PIWIL2: variants seen among roughly 807,000 people sequenced by gnomAD.
PIWIL2 encodes the protein piwi-like protein 2.
Under a neutral mutation model 116.5 loss-of-function variants are expected in PIWIL2, and 81 were observed. The observed-to-expected ratio is 0.70, with a 90% CI of 0.58 to 0.84. PIWIL2 has a LOEUF of 0.84. PIWIL2 is among the 40% of genes least tolerant of loss of function. The pLI, the probability that PIWIL2 is intolerant of heterozygous loss-of-function variation, is 0.00. For missense variants in PIWIL2, 1,272 were observed against 1,212.3 expected, an observed-to-expected ratio of 1.05 and a Z score of -0.73; for synonymous variants, 489 against 429.5, an observed-to-expected ratio of 1.14 and a Z score of -1.71.
chr8:22,336,030 A>G (rs1831974585), intron 20 of PIWIL2, among the ~76,000 whole-genome samples: 1 of 152,208 alleles, frequency 6.6e-6, no homozygotes, highest in African/African-American at 2.4e-5. Flanking sequence ...AAAGGGAGAA[A>G]TAGGCAATTC....
rs533906305 is a variant in PIWIL2 at position 22,344,334 on chromosome 8, A to G, written c.2404-8625A>G. On this transcript the variant is annotated intron_variant, in intron 20 of 22. Coordinates refer to ENST00000356766, the MANE Select transcript of PIWIL2 (RefSeq NM_018068.5). Reference sequence around the variant, plus strand: ...AACACAAATATGTAAACTGTGGAGTATAGTTAATGTATCAACATTTGGTCA... The same window carrying G: ...AACACAAATATGTAAACTGTGGAGTGTAGTTAATGTATCAACATTTGGTCA... 3.9e-5 allele frequency among the ~76,000 whole-genome samples: 6 copies of G among 152,366 alleles called. No individual in the cohort carries two copies. In the East Asian group the frequency reaches 5.8e-4, roughly 15 times the overall value.
chr8:22,292,352 CAA>C (rs1830786090), intron 10 of PIWIL2, among the ~76,000 whole-genome samples: 1 of 152,160 alleles, frequency 6.6e-6, no homozygotes. Context: ...GAACACCAGT[CAA>C]GAGGCTGTGG....
intron 21 of PIWIL2, 81 bp from the exon 22 acceptor site, chr8:22,354,190 G>C: frequency 1.1e-6 from 1 of 907,058 alleles, no homozygotes; most frequent in Non-Finnish European, 1.8e-6. Context: ...AGTTGAAGGA[G>C]CTAGAACGAT....
intron 1 of PIWIL2, among the ~76,000 whole-genome samples, chr8:22,277,234 C>G (rs1028744922): frequency 2.0e-5 from 3 of 152,138 alleles, no homozygotes; most frequent in African/African-American, 7.2e-5. Flanking sequence ...GTTTGCCACG[C>G]TGCTCTTGAG....
intron 20 of PIWIL2, among the ~76,000 whole-genome samples, chr8:22,327,570 T>C (rs1294360512): frequency 1.3e-5 from 2 of 151,992 alleles, no homozygotes; most frequent in African/African-American, 2.4e-5. Flanking sequence ...TTTCTCCATG[T>C]TGGTCAGGCT....
intron 20 of PIWIL2, among the ~76,000 whole-genome samples, chr8:22,339,178 C>T (rs182212437): frequency 1.4e-3 from 212 of 152,244 alleles, no homozygotes; most frequent in Non-Finnish European, 2.4e-3. Context: ...CAAAAAGTAA[C>T]TCCAAATGGA....
intron 10 of PIWIL2, among the ~76,000 whole-genome samples, chr8:22,301,242 A>G (rs1831040686): frequency 6.6e-6 from 1 of 151,822 alleles, no homozygotes; most frequent in Non-Finnish European, 1.5e-5. Context: ...AAGTGCCGGG[A>G]TTACAGATGT....
chr8:22,335,914 T>C (rs1170625404), intron 20 of PIWIL2, among the ~76,000 whole-genome samples: 1 of 152,038 alleles, frequency 6.6e-6, no homozygotes, highest in Non-Finnish European at 1.5e-5. Context: ...GAGTGACATA[T>C]TACAATAGCA....
At position 22,304,116 on chromosome 8, in the gene PIWIL2, C is replaced by G. The variant is rs1340891344; in HGVS notation, c.1277C>G (p.Thr426Ser). Residue 426 changes from threonine to serine, a missense_variant, in exon 11 of 23, where the codon ACC (threonine) becomes AGC (serine). Thr to Ser is a moderately conservative substitution (Grantham distance 58). Transcript: ENST00000356766. Reference sequence around the variant, plus strand: ...GTTATCACCCGATATAACAATCGTACCTATCGTATTGATGATGTGGATTGG... The same window carrying G: ...GTTATCACCCGATATAACAATCGTAGCTATCGTATTGATGATGTGGATTGG... ...NIVITRYNNRTYRIDDVDWNK... is the reference protein window; with the variant it reads ...NIVITRYNNRSYRIDDVDWNK... The G allele has an allele frequency of 1.9e-6, 3 of 1,610,880 alleles. No homozygotes were observed. Among genetic ancestry groups the G allele is most frequent in the Non-Finnish European group, 2.5e-6 (3 of 1,177,164 alleles).
rs1831292930 is a variant in PIWIL2 at position 22,310,134 on chromosome 8, G to A, written c.1800+60G>A. 5 of 901,830 alleles carry A rather than the reference G, an allele frequency of 5.5e-6. No individual in the cohort carries two copies. In the East Asian group the frequency reaches 7.2e-5, roughly 13 times the overall value. The allele number at this position is 901,830 out of a possible 1,614,324, so 55.9% of individuals were successfully genotyped here. A position where few individuals can be genotyped will look rare whatever the true frequency, so the allele number is the denominator to read the frequency against. On this transcript the variant is annotated intron_variant, in intron 15 of 22. Coordinates refer to ENST00000356766, the MANE Select transcript of PIWIL2 (RefSeq NM_018068.5). ...GTATTCCCCAAAGTGTGGGAATTAGGAAGCAGGAATGATCTAGAGTCTTCT... is the reference window on the plus strand; with the variant it reads ...GTATTCCCCAAAGTGTGGGAATTAGAAAGCAGGAATGATCTAGAGTCTTCT...
At chr8:22,280,562 C>G (rs1830476407) in intron 2 of PIWIL2, among the ~76,000 whole-genome samples, 1 of 152,126 alleles carries the variant, frequency 6.6e-6, no homozygotes, top group Non-Finnish European at 1.5e-5. Flanking sequence ...CATGTTGACT[C>G]AAATGAATTG....
chr8:22,330,697 A>AAAATAAATAAATAAATAAAT (rs3992768), intron 20 of PIWIL2, among the ~76,000 whole-genome samples: 16 of 137,162 alleles, frequency 1.2e-4, no homozygotes, highest in Admixed American at 2.4e-4. Context: ...ACTCTGTCTC[A>AAAATAAATAAATAAATAAAT]AAATAAATAA....
intron 20 of PIWIL2, among the ~76,000 whole-genome samples, chr8:22,339,337 C>T (rs1385142317): frequency 6.6e-6 from 1 of 152,060 alleles, no homozygotes; most frequent in African/African-American, 2.4e-5. Flanking sequence ...GAAACCCCAT[C>T]TCTACTAAAA....
At chr8:22,289,386 C>T (rs1047175174) in intron 8 of PIWIL2, among the ~76,000 whole-genome samples, 10 of 152,112 alleles carry the variant, frequency 6.6e-5, no homozygotes, top group Non-Finnish European at 1.0e-4. Flanking sequence ...CTTTTGACCT[C>T]GTGATCTGTC....
At chr8:22,276,123 G>C (rs1563336532) in intron 1 of PIWIL2, 1 of 152,312 alleles carries the variant, frequency 6.6e-6, no homozygotes, top group Non-Finnish European at 1.5e-5. Context: ...AGGGGTGTTA[G>C]CAGTTAAATA....
At chr8:22,340,195 G>A (rs967540775) in intron 20 of PIWIL2, among the ~76,000 whole-genome samples, 5 of 150,974 alleles carry the variant, frequency 3.3e-5, no homozygotes, top group African/African-American at 1.2e-4. Flanking sequence ...TGGGATTACA[G>A]ACATGTGCCA....
chr8:22,296,764 C>G (rs953464841), intron 10 of PIWIL2, among the ~76,000 whole-genome samples: 5 of 152,058 alleles, frequency 3.3e-5, no homozygotes, highest in Non-Finnish European at 7.4e-5. Context: ...TTTATTTGTT[C>G]TTTATTCCTT....
Position 22,281,504 on chromosome 8 carries a change from T to G in PIWIL2, c.414T>G (p.Val138=). The change falls in exon 4 of 23, where the codon GTT becomes GTG. Residue 138 remains valine (V), a synonymous_variant. Coordinates refer to ENST00000356766, the MANE Select transcript of PIWIL2 (RefSeq NM_018068.5). Reference sequence around the variant, plus strand: ...ACAGCAAGATGGCAGAGACCTCCGTTGGTTGGAGTAGGTGGGTAAAGTTAC... The same window carrying G: ...ACAGCAAGATGGCAGAGACCTCCGTGGGTTGGAGTAGGTGGGTAAAGTTAC... The part of the protein sequence containing the change: ...AGDSKMAETS[V]GWSRTLGRGS... 6.3e-7 allele frequency: 1 copy of G among 1,581,452 alleles called. No homozygotes were observed.
At chr8:22,295,725 A>C (rs1352695963) in intron 10 of PIWIL2, among the ~76,000 whole-genome samples, 1 of 152,144 alleles carries the variant, frequency 6.6e-6, no homozygotes, top group African/African-American at 2.4e-5. Context: ...GAAACCACAG[A>C]AGAGCATTTA....
Sources: gnomAD v4.1 joint callset for allele counts (sites outside exome capture counted in the v4.1 genomes callset) on GRCh38, gnomAD v4.1.1 for gene constraint, MANE v1.5 for transcripts, NCBI Gene and HGNC (gene_info 2026-07-23, HGNC 2026-07-21) for gene names.